MRPL36: variants seen among roughly 807,000 people sequenced by gnomAD.
MRPL36 encodes the protein mitochondrial ribosomal protein L36.
A neutral mutation model predicts 2.8 loss-of-function variants in MRPL36; 1 was observed. The ratio of observed to expected loss-of-function variants is 0.36; its 90% confidence interval spans 0.13 to 1.69. The LOEUF (loss-of-function observed/expected upper bound fraction) is 1.69. Among genes scored for constraint, MRPL36 ranks in the 40% most tolerant of loss-of-function variants. The pLI, the probability that MRPL36 is intolerant of heterozygous loss-of-function variation, is 0.35. For synonymous variants in MRPL36, 68 were observed against 54.8 expected, an observed-to-expected ratio of 1.24 and a Z score of -1.06; for missense variants, 148 against 132.7, an observed-to-expected ratio of 1.12 and a Z score of -0.57.
At chr5:1,801,433 A>G (rs1252041599), upstream of MRPL36, 2 of 1,604,828 alleles carry the variant, frequency 1.2e-6, no homozygotes, top group Non-Finnish European at 1.7e-6. Context: ...GGCGGCGATG[A>G]CCTTCTGCCG....
At position 1,799,802 on chromosome 5, in the gene MRPL36, G is replaced by T. The variant is rs1007790519; in HGVS notation, c.-23C>A. 1 of 151,970 alleles carries T rather than the reference G, an allele frequency of 6.6e-6. No individual in the cohort carries two copies. Among genetic ancestry groups the T allele is most frequent in the African/African-American group, 2.4e-5 (1 of 41,174 alleles). The allele number at this position is 151,970 out of a possible 1,614,324, so 9.4% of individuals were successfully genotyped here. Reference sequence around the variant, plus strand: ...AGACGGCTCCCTTACCCGGCCGCACGCTCTCACCCGGCGCCGACCCCTGCG... The same window carrying T: ...AGACGGCTCCCTTACCCGGCCGCACTCTCTCACCCGGCGCCGACCCCTGCG... On this transcript the variant is annotated 5_prime_UTR_variant, in exon 1 of 2. Coordinates refer to ENST00000505059, the MANE Select transcript of MRPL36 (RefSeq NM_032479.4).
At position 1,798,603 on chromosome 5, in the gene MRPL36, G is replaced by C. The variant is rs1250626395; in HGVS notation, c.*21C>G. 2 of 1,587,786 alleles carry C rather than the reference G, an allele frequency of 1.3e-6. No individual in the cohort carries two copies. Among genetic ancestry groups the C allele is most frequent in the Admixed American group, 1.7e-5 (1 of 59,276 alleles). On this transcript the variant is annotated 3_prime_UTR_variant, in exon 2 of 2. Coordinates refer to ENST00000505059, the MANE Select transcript of MRPL36 (RefSeq NM_032479.4). ...AAGTGATGCGATGACGAGTATGTGC[G>C]TGACTCTGGAGGGAAAGGGTCTACA...
upstream of MRPL36, among the ~76,000 whole-genome samples, chr5:1,800,164 A>G (rs988251712): frequency 6.6e-6 from 1 of 152,262 alleles, no homozygotes; most frequent in African/African-American, 2.4e-5. Flanking sequence ...TTAAGTGGAC[A>G]GGAGAAATGT....
At chr5:1,799,967 C>A (rs997410620), upstream of MRPL36, 3 of 152,136 alleles carry the variant, frequency 2.0e-5, no homozygotes, top group Non-Finnish European at 4.4e-5. Flanking sequence ...ACGTATCACT[C>A]CCCGACTGCG....
chr5:1,800,557 A>G (rs1734007138), upstream of MRPL36, among the ~76,000 whole-genome samples: 1 of 152,064 alleles, frequency 6.6e-6, no homozygotes, highest in African/African-American at 2.4e-5. Context: ...GTTTGCTGGG[A>G]CATCTTTGGG....
chr5:1,799,869 T>A (rs1733981198), upstream of MRPL36: 1 of 105,164 alleles, frequency 9.5e-6, no homozygotes, highest in South Asian at 3.2e-4. Context: ...GGAAGGAAGA[T>A]GGCGGCGGGG....
intron 1 of MRPL36, 195 bp from the exon 2 acceptor site, chr5:1,799,142 G>A: frequency 1.9e-6 from 1 of 522,446 alleles, no homozygotes; most frequent in Admixed American, 3.4e-5. Context: ...GAGAATAAGG[G>A]GCAGTGGACG....
At position 1,798,950 on chromosome 5, in the gene MRPL36, A is replaced by G. The variant is rs1561098987; in HGVS notation, c.-12-3T>C. ...AGATTTGCCATGTTGTGGTGAATCTATGGGAGAGAGAAAAAAAGGAGTTAT... is the reference window on the plus strand; with the variant it reads ...AGATTTGCCATGTTGTGGTGAATCTGTGGGAGAGAGAAAAAAAGGAGTTAT... On this transcript the variant is annotated splice_region_variant and splice_polypyrimidine_tract_variant and intron_variant, in intron 1 of 1. Transcript: ENST00000505059. 6.4e-7 allele frequency: 1 copy of G among 1,557,632 alleles called. No individual in the cohort carries two copies. Among genetic ancestry groups the G allele is most frequent in the East Asian group, 2.3e-5 (1 of 44,122 alleles).
upstream of MRPL36, chr5:1,801,283 C>T: frequency 7.6e-7 from 1 of 1,311,760 alleles, no homozygotes; most frequent in Non-Finnish European, 1.0e-6. Flanking sequence ...GCAGCTCCGG[C>T]GCACCCTCTG....
chr5:1,798,533 C>G lies in MRPL36; in HGVS notation c.*91G>C. 1.5e-6 allele frequency: 2 copies of G among 1,333,762 alleles called. No individual in the cohort carries two copies. The highest frequency in any genetic ancestry group is 2.1e-6 in the Non-Finnish European group (2 of 964,332). The allele number at this position is 1,333,762 out of a possible 1,614,324, so 82.6% of individuals were successfully genotyped here. A position where few individuals can be genotyped will look rare whatever the true frequency, so the allele number is the denominator to read the frequency against. ...TTTGCTTCCAGTCACTTTCCCCTGA[C>G]TCCTTGATGTGATAATTCCTTCCAT... On this transcript the variant is annotated 3_prime_UTR_variant, in exon 2 of 2. Coordinates refer to ENST00000505059, the MANE Select transcript of MRPL36 (RefSeq NM_032479.4).
At chr5:1,801,287 C>T, upstream of MRPL36, 6 of 1,355,012 alleles carry the variant, frequency 4.4e-6, no homozygotes, top group South Asian at 8.8e-5. Context: ...CTCCGGCGCA[C>T]CCTCTGCCCC....
At position 1,798,888 on chromosome 5, in the gene MRPL36, GAGAT is replaced by G. The variant is rs751540502; in HGVS notation, c.44_47del (p.Tyr15SerfsTer6). On this transcript the variant is annotated frameshift_variant, in exon 2 of 2. Coordinates refer to ENST00000505059, the MANE Select transcript of MRPL36 (RefSeq NM_032479.4). LOFTEE classifies it low-confidence loss of function (END_TRUNC). ...CTCGAGGCTTCACCGTGTGACGACT[GAGAT>G]AGAGCAGAGGGTTCACCATTTTCCT... 1.2e-6 allele frequency: 2 copies of G among 1,609,892 alleles called. No homozygotes were observed. Among genetic ancestry groups the G allele is most frequent in the Non-Finnish European group, 1.7e-6 (2 of 1,176,442 alleles).
intron 1 of MRPL36, chr5:1,799,496 T>C (rs1182968579): frequency 1.3e-5 from 2 of 152,160 alleles, no homozygotes; most frequent in Non-Finnish European, 1.5e-5. Context: ...CGGAGGACAC[T>C]GCGGCACCGG....
Position 1,798,892 on chromosome 5 carries a change from TAGAGCAGAG to T in MRPL36, c.35_43del (p.Pro12_Tyr15delinsHis). The T allele has an allele frequency of 6.2e-7, 1 of 1,609,790 alleles. No individual in the cohort carries two copies. Among genetic ancestry groups the T allele is most frequent in the Middle Eastern group, 1.7e-4 (1 of 6,052 alleles). On this transcript the variant is annotated inframe_deletion, in exon 2 of 2. Coordinates refer to ENST00000505059, the MANE Select transcript of MRPL36 (RefSeq NM_032479.4). ...AGGCTTCACCGTGTGACGACTGAGA[TAGAGCAGAG>T]GGTTCACCATTTTCCTTATAAAAAG...
At position 1,798,680 on chromosome 5, in the gene MRPL36, C is replaced by T; in HGVS notation, c.256G>A (p.Gly86Ser). ...CKDCYLVKRR[G>S]RWYVYCKTHP... The stretch of plus-strand genomic sequence containing the variant: ...GTTTTACAGTAGACGTACCACCGAC[C>T]CCGCCTCTTCACCAGGTAACAGTCC... The change falls in exon 2 of 2, where the codon GGT (glycine) becomes AGT (serine). Residue 86 changes from glycine (G) to serine (S), a missense_variant. Gly to Ser is a moderately conservative substitution (Grantham distance 56). Transcript: ENST00000505059. 1.9e-6 allele frequency: 3 copies of T among 1,613,836 alleles called. No individual in the cohort carries two copies. Among genetic ancestry groups the T allele is most frequent in the Non-Finnish European group, 2.5e-6 (3 of 1,179,820 alleles).
upstream of MRPL36, among the ~76,000 whole-genome samples, chr5:1,800,538 G>C (rs1734006765): frequency 6.6e-6 from 1 of 152,036 alleles, no homozygotes; most frequent in African/African-American, 2.4e-5. Flanking sequence ...ATCTGCCTCT[G>C]ACCACCACGT....
Position 1,798,450 on chromosome 5 carries a change from G to T in MRPL36, c.*174C>A. On this transcript the variant is annotated 3_prime_UTR_variant, in exon 2 of 2. Transcript: ENST00000505059. Reference sequence around the variant, plus strand: ...TGGAACGTTTTGGAAATAAGATAACGCAATGTCTTCTATAGTTACTCATTT... The same window carrying T: ...TGGAACGTTTTGGAAATAAGATAACTCAATGTCTTCTATAGTTACTCATTT... The T allele has an allele frequency of 1.7e-6, 1 of 596,228 alleles. No homozygotes were observed. Among genetic ancestry groups the T allele is most frequent in the East Asian group, 2.9e-5 (1 of 34,452 alleles). 36.9% of individuals were successfully genotyped at this position (596,228 alleles called of 1,614,324 possible).
At chr5:1,801,169 A>T (rs1734025378), upstream of MRPL36, among the ~76,000 whole-genome samples, 1 of 152,204 alleles carries the variant, frequency 6.6e-6, no homozygotes, top group African/African-American at 2.4e-5. Flanking sequence ...CTTAACTTTT[A>T]GGCCATTGAT....
chr5:1,799,134 G>C lies in MRPL36; in HGVS notation c.-12-187C>G, dbSNP rs1219601720. On this transcript the variant is annotated intron_variant, in intron 1 of 1. Transcript: ENST00000505059. ...CCTTAATCAGCCAAGTGTGCCAGGA[G>C]AATAAGGGGCAGTGGACGGTGGCTT... is the stretch of plus-strand genomic sequence containing the variant. 5.6e-6 allele frequency: 3 copies of C among 539,838 alleles called. No individual in the cohort carries two copies. In the African/African-American group the frequency reaches 5.7e-5, roughly 10 times the overall value. The allele number at this position is 539,838 out of a possible 1,614,324, so 33.4% of individuals were successfully genotyped here.
Sources: allele counts gnomAD v4.1 joint callset (sites outside exome capture counted in the v4.1 genomes callset), GRCh38; gene constraint gnomAD v4.1.1; transcripts MANE v1.5; gene names NCBI Gene and HGNC (gene_info 2026-07-23, HGNC 2026-07-21).